The following CDKAL1 variants were observed in gnomAD, a reference collection of about 807,000 sequenced individuals.
The protein encoded by CDKAL1 is CDKAL1 threonylcarbamoyladenosine tRNA methylthiotransferase.
CDKAL1 carries 32 observed loss-of-function variants against 68.2 expected under a neutral mutation model. The ratio of observed to expected loss-of-function variants is 0.47; its 90% CI spans 0.35 to 0.63. CDKAL1 has a LOEUF of 0.63. Ranked by LOEUF, CDKAL1 falls within the 30% of genes least tolerant of loss-of-function variation. The pLI is 0.00. For synonymous variants in CDKAL1, 234 were observed against 244.3 expected, an observed-to-expected ratio of 0.96 and a Z score of 0.39; for missense variants, 606 against 696.7, an observed-to-expected ratio of 0.87 and a Z score of 1.47.
intron 5 of CDKAL1, among the ~76,000 whole-genome samples, chr6:20,698,076 T>C (rs1222006931): frequency 6.6e-6 from 1 of 152,146 alleles, no homozygotes; most frequent in Non-Finnish European, 1.5e-5. Flanking sequence ...CAATGGTGGG[T>C]TTTAGTCAGT....
At chr6:21,070,223 C>T (rs939915364) in intron 12 of CDKAL1, among the ~76,000 whole-genome samples, 1 of 152,148 alleles carries the variant, frequency 6.6e-6, no homozygotes, top group Non-Finnish European at 1.5e-5. Context: ...AAAGATAGCA[C>T]ATGTGTACAG....
intron 12 of CDKAL1, 23 bp from the exon 13 acceptor site, chr6:21,108,377 TG>T (rs1773955068): frequency 2.6e-6 from 4 of 1,568,056 alleles, no homozygotes; most frequent in Non-Finnish European, 3.5e-6. Context: ...GTTGGTTTTT[TG>T]TTTTTTTTGT....
intron 5 of CDKAL1, among the ~76,000 whole-genome samples, chr6:20,707,610 G>A (rs1008798948): frequency 4.6e-5 from 7 of 152,162 alleles, no homozygotes; most frequent in African/African-American, 1.7e-4. Context: ...CAGAGAGCTA[G>A]GACGAAAGGT....
intron 4 of CDKAL1, among the ~76,000 whole-genome samples, chr6:20,582,855 T>C (rs1765193491): frequency 6.6e-6 from 1 of 152,234 alleles, no homozygotes; most frequent in Non-Finnish European, 1.5e-5. Flanking sequence ...CAGCTTTTAC[T>C]GCAATTTTTA....
chr6:21,080,435 G>A (rs1012317684), intron 12 of CDKAL1, among the ~76,000 whole-genome samples: 1 of 152,142 alleles, frequency 6.6e-6, no homozygotes, highest in South Asian at 2.1e-4. Flanking sequence ...CTCCTCCCAG[G>A]GACCTGCACA....
intron 4 of CDKAL1, among the ~76,000 whole-genome samples, chr6:20,607,599 C>T (rs1179270807): frequency 6.6e-6 from 1 of 151,922 alleles, no homozygotes. Flanking sequence ...GAATAGAATA[C>T]AGTCAGTTCC....
intron 4 of CDKAL1, among the ~76,000 whole-genome samples, chr6:20,603,768 ATTTTTT>A (rs745786047): frequency 2.3e-4 from 20 of 85,216 alleles, no homozygotes; most frequent in South Asian, 1.0e-3. Context: ...CAGTTGCTAA[ATTTTTT>A]TTTTTTTTTT....
At chr6:21,064,481 A>G (rs992002384) in intron 11 of CDKAL1, among the ~76,000 whole-genome samples, 30 of 152,318 alleles carry the variant, frequency 2.0e-4, no homozygotes, top group African/African-American at 7.0e-4. Context: ...GCCCTAATGG[A>G]GTCTGGAAAA....
intron 4 of CDKAL1, among the ~76,000 whole-genome samples, chr6:20,551,130 G>A (rs1056577208): frequency 1.3e-5 from 2 of 152,032 alleles, no homozygotes; most frequent in African/African-American, 4.8e-5. Context: ...CTCCCAAAGT[G>A]CTGGGATTAC....
chr6:21,160,543 T>G (rs1776868728), intron 13 of CDKAL1, among the ~76,000 whole-genome samples: 2 of 149,404 alleles, frequency 1.3e-5, no homozygotes, highest in South Asian at 2.1e-4. Context: ...TGATCTACCC[T>G]CCTTGGCCTC....
At chr6:20,986,601 C>T (rs1420532924) in intron 10 of CDKAL1, among the ~76,000 whole-genome samples, 3 of 150,954 alleles carry the variant, frequency 2.0e-5, no homozygotes, top group Non-Finnish European at 2.9e-5. Flanking sequence ...ATGTACAATT[C>T]TCTCTTTAGA....
chr6:20,622,606 G>A (rs1767243885), intron 4 of CDKAL1, among the ~76,000 whole-genome samples: 1 of 151,978 alleles, frequency 6.6e-6, no homozygotes, highest in Admixed American at 6.6e-5. Flanking sequence ...TGTTGATGTT[G>A]TTCTTTGCTT....
chr6:20,819,221 A>AT (rs34237934), intron 8 of CDKAL1, among the ~76,000 whole-genome samples: 12,165 of 150,382 alleles, frequency 0.081, 538 homozygotes, highest in African/African-American at 0.11. Context: ...TATTTATAGT[A>AT]TTTTTTTTTT....
intron 13 of CDKAL1, among the ~76,000 whole-genome samples, chr6:21,170,753 A>G (rs1364286622): frequency 6.6e-6 from 1 of 152,230 alleles, no homozygotes; most frequent in Non-Finnish European, 1.5e-5. Context: ...TGTTGAAGGT[A>G]GGGAAAGCTT....
chr6:20,713,099 C>G (rs991297442), intron 5 of CDKAL1, among the ~76,000 whole-genome samples: 10 of 152,230 alleles, frequency 6.6e-5, no homozygotes, highest in African/African-American at 2.4e-4. Flanking sequence ...TTTATTAGAA[C>G]AAAAACTAGG....
At chr6:20,622,589 A>G (rs1328214621) in intron 4 of CDKAL1, among the ~76,000 whole-genome samples, 1 of 152,098 alleles carries the variant, frequency 6.6e-6, no homozygotes, top group Non-Finnish European at 1.5e-5. Flanking sequence ...TCCCAAGTTA[A>G]GAACACTGTT....
chr6:21,069,029 G>A (rs1190429995), intron 12 of CDKAL1, among the ~76,000 whole-genome samples: 1 of 152,060 alleles, frequency 6.6e-6, no homozygotes, highest in East Asian at 1.9e-4. Flanking sequence ...TATTTATTTT[G>A]CCCAACTAAT....
chr6:20,971,467 A>C (rs1314700071), intron 10 of CDKAL1, among the ~76,000 whole-genome samples: 1 of 152,206 alleles, frequency 6.6e-6, no homozygotes, highest in African/African-American at 2.4e-5. Flanking sequence ...AATAGATATA[A>C]ACTCTAGAAT....
chr6:20,772,613 A>G (rs1023829429), intron 7 of CDKAL1, among the ~76,000 whole-genome samples: 17 of 152,252 alleles, frequency 1.1e-4, no homozygotes, highest in African/African-American at 3.9e-4. Context: ...CTTAATTATT[A>G]GTTATACCAT....
Sources: allele counts gnomAD v4.1 joint callset (sites outside exome capture counted in the v4.1 genomes callset), GRCh38; gene constraint gnomAD v4.1.1; transcripts MANE v1.5; gene names NCBI Gene and HGNC (gene_info 2026-07-23, HGNC 2026-07-21).